Variants in ITGB8 observed in about 807,000 individuals in gnomAD.
The protein encoded by ITGB8 is integrin subunit beta 8, also known as integrin beta-8.
ITGB8 carries 30 observed loss-of-function variants against 89.5 expected under a neutral mutation model. That is an observed-to-expected ratio of 0.34 (90% CI 0.25 to 0.45). The LOEUF is 0.45. Among genes scored for constraint, ITGB8 ranks in the 20% least tolerant of loss-of-function variants. The pLI is 1.00. For missense variants in ITGB8, 836 were observed against 933.3 expected, an observed-to-expected ratio of 0.90 and a Z score of 1.36; for synonymous variants, 335 against 320.4, an observed-to-expected ratio of 1.05 and a Z score of -0.49.
intron 6 of ITGB8, among the ~76,000 whole-genome samples, chr7:20,387,474 G>C (rs755693202): frequency 2.6e-5 from 4 of 152,228 alleles, no homozygotes; most frequent in Non-Finnish European, 2.9e-5. Flanking sequence ...TCAGACAGCT[G>C]CCCAGTGTCA....
At chr7:20,351,531 A>T (rs1206377795) in intron 1 of ITGB8, among the ~76,000 whole-genome samples, 1 of 152,212 alleles carries the variant, frequency 6.6e-6, no homozygotes, top group Non-Finnish European at 1.5e-5. Context: ...TAGATACTTG[A>T]TTTTTTAAAT....
At chr7:20,375,068 G>A (rs563624091) in intron 3 of ITGB8, among the ~76,000 whole-genome samples, 14 of 152,218 alleles carry the variant, frequency 9.2e-5, no homozygotes, top group Admixed American at 7.8e-4. Context: ...TGAATAATAG[G>A]TAAGGAAAGT....
At position 20,363,704 on chromosome 7, in the gene ITGB8, T is replaced by C. The variant is rs1785588447; in HGVS notation, c.195T>C (p.Cys65=). ...GGTGCCTTGCGCTGGGTCCAGAATG[T>C]GGATGGTGTGTTCAAGAGGTGTGCC... The part of the protein sequence containing the change: ...CARCLALGPE[C]GWCVQEDFIS... The change falls in exon 2 of 14, where the codon TGT becomes TGC. Residue 65 remains cysteine (C), a synonymous_variant. Transcript: ENST00000222573. 6.2e-7 allele frequency: 1 copy of C among 1,600,848 alleles called. No individual in the cohort carries two copies. Among genetic ancestry groups the C allele is most frequent in the Admixed American group, 1.8e-5 (1 of 56,782 alleles).
At chr7:20,334,689 T>A (rs2128124428) in intron 1 of ITGB8, among the ~76,000 whole-genome samples, 1 of 152,308 alleles carries the variant, frequency 6.6e-6, no homozygotes, top group South Asian at 2.1e-4. Flanking sequence ...TAACAAAAAA[T>A]TCAGCCTTCT....
chr7:20,375,991 G>A (rs1415409370), intron 3 of ITGB8, among the ~76,000 whole-genome samples: 1 of 152,096 alleles, frequency 6.6e-6, no homozygotes, highest in Non-Finnish European at 1.5e-5. Context: ...AATGTGGGAG[G>A]GGGTTATTGT....
rs1224636914 is a variant in ITGB8, at chr7:20,410,992, G to T, written c.*995G>T. ...TTGAATGTTTTCTTAGATTTTGATT[G>T]CAAGTAGATATCAGCATTTTTTAAA... On this transcript the variant is annotated 3_prime_UTR_variant, in exon 14 of 14. Transcript: ENST00000222573. The T allele has an allele frequency of 6.6e-6, 1 of 152,256 alleles. No homozygotes were observed. Among genetic ancestry groups the T allele is most frequent in the Non-Finnish European group, 1.5e-5 (1 of 68,018 alleles). 9.4% of individuals were successfully genotyped at this position (152,256 alleles called of 1,614,324 possible).
intron 6 of ITGB8, among the ~76,000 whole-genome samples, chr7:20,384,101 A>G (rs1786510051): frequency 6.6e-6 from 1 of 152,170 alleles, no homozygotes; most frequent in African/African-American, 2.4e-5. Flanking sequence ...AATGTTCTAT[A>G]TTGAAAGCTA....
At chr7:20,376,502 T>A (rs1355596916) in intron 3 of ITGB8, among the ~76,000 whole-genome samples, 1 of 152,196 alleles carries the variant, frequency 6.6e-6, no homozygotes, top group Non-Finnish European at 1.5e-5. Flanking sequence ...GGTATTTCTA[T>A]GTCCTCTTAC....
At chr7:20,402,403 A>G (rs1424354395) in intron 10 of ITGB8, among the ~76,000 whole-genome samples, 1 of 152,196 alleles carries the variant, frequency 6.6e-6, no homozygotes, top group African/African-American at 2.4e-5. Context: ...AAAGAAATAT[A>G]CCAGAAAAGG....
intron 2 of ITGB8, chr7:20,366,794 A>G: frequency 2.3e-6 from 1 of 438,392 alleles, no homozygotes; most frequent in South Asian, 3.3e-5. Flanking sequence ...AACCAGAGAA[A>G]CTTCAGTCTG....
At chr7:20,332,833 G>A (rs955426530) in intron 1 of ITGB8, among the ~76,000 whole-genome samples, 1 of 152,140 alleles carries the variant, frequency 6.6e-6, no homozygotes, top group Non-Finnish European at 1.5e-5. Flanking sequence ...CTAAGTAATA[G>A]GACGAATCAT....
chr7:20,353,931 C>CAA (rs1158594685), intron 1 of ITGB8, among the ~76,000 whole-genome samples: 742 of 55,574 alleles, frequency 0.013, 122 homozygotes, highest in South Asian at 0.075. Flanking sequence ...GACTCCGTCT[C>CAA]AAAAAAAAAA....
At chr7:20,347,804 T>C (rs1290940163) in intron 1 of ITGB8, among the ~76,000 whole-genome samples, 1 of 152,146 alleles carries the variant, frequency 6.6e-6, no homozygotes, top group African/African-American at 2.4e-5. Flanking sequence ...AGGCTTGGAA[T>C]CTTGTTAGTT....
At chr7:20,352,891 C>T (rs1785158385) in intron 1 of ITGB8, 2 of 152,142 alleles carry the variant, frequency 1.3e-5, no homozygotes, top group Non-Finnish European at 2.9e-5. Flanking sequence ...ATATAGTCAC[C>T]CCATGTGTGC....
chr7:20,390,127 G>A (rs778170469), intron 6 of ITGB8, among the ~76,000 whole-genome samples: 1 of 152,092 alleles, frequency 6.6e-6, no homozygotes, highest in Non-Finnish European at 1.5e-5. Flanking sequence ...TGTTTACCAA[G>A]TTGGTTTAAC....
At chr7:20,402,496 A>T (rs909134346) in intron 10 of ITGB8, among the ~76,000 whole-genome samples, 7 of 152,130 alleles carry the variant, frequency 4.6e-5, no homozygotes, top group African/African-American at 1.7e-4. Context: ...GTAAATGGTC[A>T]CTCCCTCCAA....
chr7:20,397,697 G>A (rs1467798126), intron 8 of ITGB8, among the ~76,000 whole-genome samples: 1 of 152,172 alleles, frequency 6.6e-6, no homozygotes, highest in Non-Finnish European at 1.5e-5. Flanking sequence ...GTGTGTATGA[G>A]CTCTCTGGAA....
At chr7:20,361,557 C>T (rs1207915546) in intron 1 of ITGB8, among the ~76,000 whole-genome samples, 1 of 152,054 alleles carries the variant, frequency 6.6e-6, no homozygotes, top group Non-Finnish European at 1.5e-5. Context: ...AGGGTGGGGC[C>T]CTCATGATCT....
chr7:20,375,833 A>G (rs1786118617), intron 3 of ITGB8, among the ~76,000 whole-genome samples: 1 of 105,368 alleles, frequency 9.5e-6, no homozygotes. Flanking sequence ...TCAGTTACAT[A>G]TAACTGTTTA....
Sources: gnomAD v4.1 joint callset for allele counts (sites outside exome capture counted in the v4.1 genomes callset) on GRCh38, gnomAD v4.1.1 for gene constraint, MANE v1.5 for transcripts, NCBI Gene and HGNC (gene_info 2026-07-23, HGNC 2026-07-21) for gene names.